CSMD1: variants seen among roughly 807,000 people sequenced by gnomAD.
CSMD1 encodes the protein CUB and sushi domain-containing protein 1.
Under a neutral mutation model 417.5 loss-of-function variants are expected in CSMD1, and 213 were observed. The observed-to-expected ratio is 0.51, with a 90% confidence interval of 0.46 to 0.57. The LOEUF is 0.57. Ranked by LOEUF, CSMD1 falls within the 20% of genes least tolerant of loss-of-function variation. The pLI, the probability that CSMD1 is intolerant of heterozygous loss-of-function variation, is 0.00. For missense variants in CSMD1, 6,923 were observed against 4,529.7 expected, an observed-to-expected ratio of 1.53 and a Z score of -15.17; for synonymous variants, 2,862 against 1,736.8, an observed-to-expected ratio of 1.65 and a Z score of -16.11.
intron 1 of CSMD1, among the ~76,000 whole-genome samples, chr8:4,860,856 C>A (rs538410176): frequency 1.3e-5 from 2 of 152,060 alleles, no homozygotes; most frequent in African/African-American, 2.4e-5. Flanking sequence ...TGCGTAAAAA[C>A]GTTCACATCC....
intron 3 of CSMD1, among the ~76,000 whole-genome samples, chr8:4,198,753 G>A (rs1369136399): frequency 1.3e-5 from 2 of 151,906 alleles, no homozygotes; most frequent in African/African-American, 2.4e-5. Context: ...TACTTTCTAT[G>A]TGAATTTTGA....
rs748811179 is a variant in CSMD1 at position 3,199,754 on chromosome 8, C to G, written c.5154G>C (p.Lys1718Asn). ...SNQILLRFSA[K>N]SGASARGFHF... is the part of the protein sequence containing the mutation. The stretch of plus-strand genomic sequence containing the variant: ...GGAAGCCGCGGGCAGAGGCACCGCT[C>G]TTTGCACTGAATCGGAGCAGAATTT... Residue 1718 changes from lysine to asparagine, a missense_variant, in exon 33 of 70, where the codon AAG (lysine) becomes AAC (asparagine). Coordinates refer to ENST00000635120, the MANE Select transcript of CSMD1 (RefSeq NM_033225.6). 3.8e-6 allele frequency: 6 copies of G among 1,589,124 alleles called. No homozygotes were observed. Among genetic ancestry groups the G allele is most frequent in the East Asian group, 4.6e-5 (2 of 43,890 alleles).
intron 64 of CSMD1, 62 bp downstream of exon 64, chr8:2,955,527 G>A (rs1563177767): frequency 1.3e-6 from 2 of 1,538,254 alleles, no homozygotes; most frequent in East Asian, 4.5e-5. Context: ...CTAGCCTGAT[G>A]GGCAGCTGAT....
chr8:4,942,945 G>C (rs771110767), intron 1 of CSMD1, among the ~76,000 whole-genome samples: 1 of 152,278 alleles, frequency 6.6e-6, no homozygotes, highest in Middle Eastern at 3.4e-3. Context: ...TGATGGGTGT[G>C]CATTCAGGAT....
At chr8:2,954,811 T>A (rs1802888198) in intron 64 of CSMD1, among the ~76,000 whole-genome samples, 1 of 152,248 alleles carries the variant, frequency 6.6e-6, no homozygotes, top group South Asian at 2.1e-4. Flanking sequence ...TTAAAAGTTT[T>A]CATTCTTCTA....
chr8:4,118,945 C>T (rs1453599108), intron 3 of CSMD1, among the ~76,000 whole-genome samples: 1 of 152,090 alleles, frequency 6.6e-6, no homozygotes, highest in Non-Finnish European at 1.5e-5. Context: ...TTTGGGGGGA[C>T]ATGGGTGAAG....
intron 3 of CSMD1, among the ~76,000 whole-genome samples, chr8:4,272,958 T>C (rs1276151547): frequency 6.6e-6 from 1 of 152,176 alleles, no homozygotes; most frequent in Non-Finnish European, 1.5e-5. Flanking sequence ...CACAATATTT[T>C]TAATTACAAA....
At chr8:4,631,220 G>T (rs1320248736) in intron 2 of CSMD1, among the ~76,000 whole-genome samples, 1 of 151,904 alleles carries the variant, frequency 6.6e-6, no homozygotes. Context: ...AAATTAGCCA[G>T]GAGTGGTGGC....
chr8:3,983,843 C>G (rs1271794163), intron 5 of CSMD1, among the ~76,000 whole-genome samples: 1 of 150,608 alleles, frequency 6.6e-6, no homozygotes, highest in East Asian at 2.0e-4. Context: ...ATCTGGCCGG[C>G]TGTCAATTGC....
At chr8:4,198,295 T>C (rs992810186) in intron 3 of CSMD1, among the ~76,000 whole-genome samples, 1 of 152,174 alleles carries the variant, frequency 6.6e-6, no homozygotes, top group African/African-American at 2.4e-5. Context: ...CCCAGAGAAG[T>C]GGCAGCAGGG....
intron 3 of CSMD1, among the ~76,000 whole-genome samples, chr8:4,306,413 A>G (rs1334640616): frequency 2.0e-5 from 3 of 152,218 alleles, no homozygotes; most frequent in African/African-American, 4.8e-5. Flanking sequence ...ACAAAAAAAT[A>G]CAGTATCATC....
chr8:4,006,359 C>T (rs1051533165), intron 4 of CSMD1, among the ~76,000 whole-genome samples: 10 of 152,182 alleles, frequency 6.6e-5, no homozygotes, highest in Non-Finnish European at 8.8e-5. Flanking sequence ...GCCTGGCCAA[C>T]ATGGTGAAAC....
intron 1 of CSMD1, among the ~76,000 whole-genome samples, chr8:4,764,872 C>CAAAAAAAAAA (rs1194894751): frequency 1.9e-3 from 99 of 50,902 alleles, no homozygotes; most frequent in Non-Finnish European, 2.6e-3. Flanking sequence ...GACTCCATCT[C>CAAAAAAAAAA]AAAAAAAAAA....
rs562666210 is a variant in CSMD1 at position 3,273,245 on chromosome 8, C to T, written c.4153+10899G>A. On this transcript the variant is annotated intron_variant, in intron 26 of 69. Coordinates refer to ENST00000635120, the MANE Select transcript of CSMD1 (RefSeq NM_033225.6). ...ATGCTGGATTACATTTATAGATTTGCGTATATTGAACTAGCCTTGCATCCC... is the reference window on the plus strand; with the variant it reads ...ATGCTGGATTACATTTATAGATTTGTGTATATTGAACTAGCCTTGCATCCC... Among the ~76,000 whole-genome samples, 429 of 151,526 alleles carry T rather than the reference C, an allele frequency of 2.8e-3. 3 individuals carry two copies. The highest frequency in any genetic ancestry group is 9.8e-3 in the African/African-American group (401 of 41,110).
intron 2 of CSMD1, among the ~76,000 whole-genome samples, chr8:4,422,079 T>C (rs1424056425): frequency 1.3e-5 from 2 of 152,090 alleles, no homozygotes; most frequent in African/African-American, 2.4e-5. Flanking sequence ...AAATGAACTA[T>C]TACAACTAAC....
At chr8:3,607,346 C>G (rs1385103247) in intron 8 of CSMD1, among the ~76,000 whole-genome samples, 1 of 152,198 alleles carries the variant, frequency 6.6e-6, no homozygotes, top group Non-Finnish European at 1.5e-5. Context: ...CCTGAAGGAC[C>G]TGCCTGGGGC....
chr8:4,331,568 G>A (rs904772831), intron 3 of CSMD1, among the ~76,000 whole-genome samples: 5 of 152,096 alleles, frequency 3.3e-5, no homozygotes, highest in African/African-American at 4.8e-5. Context: ...ATCCACAGCT[G>A]GGAGACTGCA....
chr8:4,173,694 T>C (rs544257226), intron 3 of CSMD1, among the ~76,000 whole-genome samples: 2 of 152,266 alleles, frequency 1.3e-5, no homozygotes, highest in East Asian at 3.9e-4. Flanking sequence ...AATTTCTGAA[T>C]TACTCAAATA....
At chr8:3,975,245 G>C (rs754480803) in intron 5 of CSMD1, among the ~76,000 whole-genome samples, 2 of 152,060 alleles carry the variant, frequency 1.3e-5, no homozygotes, top group Non-Finnish European at 1.5e-5. Context: ...TACTTGCTTC[G>C]TTATTTATCA....
Sources: allele counts gnomAD v4.1 joint callset (sites outside exome capture counted in the v4.1 genomes callset), GRCh38; gene constraint gnomAD v4.1.1; transcripts MANE v1.5; gene names NCBI Gene and HGNC (gene_info 2026-07-23, HGNC 2026-07-21).